Variants in MCC observed in about 807,000 individuals in gnomAD.
The protein encoded by MCC is colorectal mutant cancer protein.
Under a neutral mutation model 116.2 loss-of-function variants are expected in MCC, and 90 were observed. The observed-to-expected ratio is 0.77, with a 90% CI of 0.65 to 0.92. MCC has a LOEUF of 0.92. MCC is among the 40% of genes least tolerant of loss of function. The pLI is 0.00. For missense variants in MCC, 1,516 were observed against 1,312.2 expected, an observed-to-expected ratio of 1.16 and a Z score of -2.40; for synonymous variants, 578 against 510.5, an observed-to-expected ratio of 1.13 and a Z score of -1.78.
At chr5:113,430,438 C>G (rs1205175782) in intron 1 of MCC, among the ~76,000 whole-genome samples, 1 of 152,128 alleles carries the variant, frequency 6.6e-6, no homozygotes, top group Non-Finnish European at 1.5e-5. Flanking sequence ...TAAGATGGGC[C>G]TCTATTCTCT....
intron 3 of MCC, among the ~76,000 whole-genome samples, chr5:113,338,757 A>G (rs947018302): frequency 2.0e-5 from 3 of 152,242 alleles, no homozygotes; most frequent in Non-Finnish European, 4.4e-5. Flanking sequence ...GAAAGATGAC[A>G]TATTCACTGA....
At chr5:113,081,398 C>T (rs536966117) in intron 11 of MCC, among the ~76,000 whole-genome samples, 84 of 152,100 alleles carry the variant, frequency 5.5e-4, no homozygotes, top group Non-Finnish European at 1.1e-3. Flanking sequence ...TGGCTGTCTG[C>T]GAGAGCCCTT....
Position 113,101,780 on chromosome 5 carries a change from T to C in MCC, c.1357A>G (p.Met453Val), listed in dbSNP as rs1756428702. The change falls in exon 8 of 19, where the codon ATG becomes GTG. Residue 453 changes from methionine to valine, a missense_variant. Physicochemically the swap from Met to Val is conservative, Grantham distance 21. Transcript: ENST00000408903. ...EEELNRTKATMNAIREERDRL... is the reference protein window; with the variant it reads ...EEELNRTKATVNAIREERDRL... The stretch of plus-strand genomic sequence containing the variant: ...TCCCGCTCTTCCCGGATGGCATTCA[T>C]GGTGGCCTTAGTCCGGTTCAGTTCT... 1 of 1,613,426 alleles carries C rather than the reference T, an allele frequency of 6.2e-7. No homozygotes were observed. Among genetic ancestry groups the C allele is most frequent in the African/African-American group, 1.3e-5 (1 of 74,914 alleles).
chr5:113,071,088 G>GCGCTGTCTT lies in MCC; in HGVS notation c.1925+5_1925+6insAAGACAGCG, dbSNP rs1554112908. 2 of 1,610,550 alleles carry GCGCTGTCTT rather than the reference G, an allele frequency of 1.2e-6. No individual in the cohort carries two copies. Among genetic ancestry groups the GCGCTGTCTT allele is most frequent in the African/African-American group, 1.3e-5 (1 of 74,664 alleles). On this transcript the variant is annotated splice_donor_region_variant and intron_variant, in intron 12 of 18. Transcript: ENST00000408903. ...AGTAGCTCCAAACATCCCAGTGTGT[G>GCGCTGTCTT]CCTACCTGTACTGCAAGGCCAGCCT...
chr5:113,305,882 A>G (rs111532913), intron 3 of MCC, among the ~76,000 whole-genome samples: 2,337 of 152,210 alleles, frequency 0.015, 31 homozygotes, highest in Non-Finnish European at 0.024. Flanking sequence ...ATCACCCCCA[A>G]ACGAAATTCA....
At position 113,044,467 on chromosome 5, in the gene MCC, G is replaced by T. The variant is rs1425264050; in HGVS notation, c.2656-837C>A. The T allele has an allele frequency of 6.1e-6, 6 of 982,934 alleles. No individual in the cohort carries two copies. The East Asian group carries it at 5.7e-4, about 93-fold the overall frequency. The allele number at this position is 982,934 out of a possible 1,614,324, so 60.9% of individuals were successfully genotyped here. A position where few individuals can be genotyped will look rare whatever the true frequency, so the allele number is the denominator to read the frequency against. ...ACACTACATAGTACCATGGCTGGGG[G>T]AAGGCATTCATCGGATGATCTCTCA... is the stretch of plus-strand genomic sequence containing the variant. On this transcript the variant is annotated intron_variant, in intron 16 of 18. Coordinates refer to ENST00000408903, the MANE Select transcript of MCC (RefSeq NM_001085377.2).
chr5:113,471,444 C>G (rs1168522938), intron 1 of MCC, among the ~76,000 whole-genome samples: 2 of 152,080 alleles, frequency 1.3e-5, no homozygotes, highest in Non-Finnish European at 2.9e-5. Context: ...CACTCCAGAC[C>G]CTTTCTGCCT....
At chr5:113,271,224 T>C (rs1277999986) in intron 3 of MCC, among the ~76,000 whole-genome samples, 3 of 152,176 alleles carry the variant, frequency 2.0e-5, no homozygotes, top group Non-Finnish European at 4.4e-5. Context: ...GCTTAAGAAA[T>C]GTCTTGCTTT....
At chr5:113,263,079 AG>A (rs1289253007) in intron 3 of MCC, among the ~76,000 whole-genome samples, 6 of 152,224 alleles carry the variant, frequency 3.9e-5, no homozygotes, top group African/African-American at 1.4e-4. Context: ...AAGGCTGATA[AG>A]AAACCAAAAG....
chr5:113,250,143 G>A (rs2150343320), intron 3 of MCC, among the ~76,000 whole-genome samples: 1 of 152,312 alleles, frequency 6.6e-6, no homozygotes. Flanking sequence ...AACAGCAGGA[G>A]TTGAAGATGG....
chr5:113,454,277 A>G (rs887369001), intron 1 of MCC, among the ~76,000 whole-genome samples: 1 of 152,124 alleles, frequency 6.6e-6, no homozygotes, highest in Admixed American at 6.5e-5. Context: ...GCTAATTTTT[A>G]TATTTTTTGT....
intron 13 of MCC, among the ~76,000 whole-genome samples, chr5:113,064,827 C>T (rs983712517): frequency 1.3e-5 from 2 of 152,132 alleles, no homozygotes; most frequent in Non-Finnish European, 2.9e-5. Flanking sequence ...CAGTGAAGTC[C>T]CTGCCCAAAA....
At chr5:113,288,308 C>G (rs921718891) in intron 3 of MCC, among the ~76,000 whole-genome samples, 12 of 152,238 alleles carry the variant, frequency 7.9e-5, no homozygotes, top group Non-Finnish European at 1.8e-4. Flanking sequence ...AGCCCTAATT[C>G]TTAAGATATT....
intron 3 of MCC, among the ~76,000 whole-genome samples, chr5:113,186,578 C>A (rs149727671): frequency 6.6e-6 from 1 of 152,170 alleles, no homozygotes; most frequent in Non-Finnish European, 1.5e-5. Flanking sequence ...GTGTGTAAAG[C>A]CTGCCCTACA....
chr5:113,220,126 C>T lies in MCC; in HGVS notation c.628-68704G>A, dbSNP rs1459174960. 3.1e-5 allele frequency among the ~76,000 whole-genome samples: 2 copies of T among 63,738 alleles called. 1 individual carries two copies. The highest frequency in any genetic ancestry group is 1.4e-4 in the Non-Finnish European group (2 of 13,928). The allele number at this position is 63,738 out of a possible 152,430, so 41.8% of individuals were successfully genotyped here. On this transcript the variant is annotated intron_variant, in intron 3 of 18. Transcript: ENST00000408903. Reference sequence around the variant, plus strand: ...CGGCTGGAGTGCAGTGGCGCAATCTCGGCTCACTGCAAGCTCCACCTCCCG... The same window carrying T: ...CGGCTGGAGTGCAGTGGCGCAATCTTGGCTCACTGCAAGCTCCACCTCCCG...
At chr5:113,062,735 T>A (rs1753308029) in intron 14 of MCC, among the ~76,000 whole-genome samples, 1 of 152,244 alleles carries the variant, frequency 6.6e-6, no homozygotes, top group Non-Finnish European at 1.5e-5. Flanking sequence ...TAAAGAAGAA[T>A]CAAGTCCCTT....
At chr5:113,288,477 A>C (rs1056385491) in intron 3 of MCC, among the ~76,000 whole-genome samples, 4 of 152,194 alleles carry the variant, frequency 2.6e-5, no homozygotes, top group African/African-American at 9.7e-5. Flanking sequence ...CTGAATGAGG[A>C]TCACAACTAT....
chr5:113,047,113 A>G (rs1752145226), intron 16 of MCC, among the ~76,000 whole-genome samples: 1 of 152,192 alleles, frequency 6.6e-6, no homozygotes, highest in African/African-American at 2.4e-5. Flanking sequence ...CATTTCTTCC[A>G]GAAAACCTGT....
At chr5:113,152,944 G>C (rs1026685566) in intron 3 of MCC, among the ~76,000 whole-genome samples, 2 of 152,170 alleles carry the variant, frequency 1.3e-5, no homozygotes, top group Non-Finnish European at 2.9e-5. Flanking sequence ...ACAACGTTTT[G>C]TGTGACGACT....
Sources: allele counts gnomAD v4.1 joint callset (sites outside exome capture counted in the v4.1 genomes callset), GRCh38; gene constraint gnomAD v4.1.1; transcripts MANE v1.5; gene names NCBI Gene and HGNC (gene_info 2026-07-23, HGNC 2026-07-21).